The following WASHC5 variants were observed in gnomAD, a reference collection of about 807,000 sequenced individuals.
The protein encoded by WASHC5 is WASH complex subunit 5.
Under a neutral mutation model 150.4 loss-of-function variants are expected in WASHC5, and 101 were observed. The observed-to-expected ratio is 0.67, with a 90% CI of 0.57 to 0.79. WASHC5 has a LOEUF of 0.79. Among genes scored for constraint, WASHC5 ranks in the 30% least tolerant of loss-of-function variants. The pLI is 0.00. For synonymous variants in WASHC5, 467 were observed against 491.2 expected (o/e 0.95, Z 0.65); for missense variants, 1,195 against 1,396.3 (o/e 0.86, Z 2.30).
intron 25 of WASHC5, among the ~76,000 whole-genome samples, chr8:125,037,655 T>C (rs536219548): frequency 6.6e-6 from 1 of 150,826 alleles, no homozygotes; most frequent in South Asian, 2.1e-4. Context: ...GAAGGCAAAA[T>C]GAAGAGCAGT....
At chr8:125,075,164 A>T (rs1817015133) in intron 7 of WASHC5, 53 bp from the exon 8 acceptor site, 1 of 1,077,440 alleles carries the variant, frequency 9.3e-7, no homozygotes, top group Non-Finnish European at 1.4e-6. Context: ...TTCAAGGCAA[A>T]GGGTTGAATA....
chr8:125,049,267 T>C (rs1816166773), intron 18 of WASHC5, 82 bp from the exon 19 acceptor site: 4 of 1,477,312 alleles, frequency 2.7e-6, no homozygotes, highest in African/African-American at 1.4e-5. Flanking sequence ...AGACTTTAAA[T>C]AGTATAGCAG....
chr8:125,064,597 C>T (rs1186138248), intron 10 of WASHC5, among the ~76,000 whole-genome samples: 1 of 151,570 alleles, frequency 6.6e-6, no homozygotes, highest in Non-Finnish European at 1.5e-5. Flanking sequence ...ACGGGTGTAA[C>T]TCAGGGTTGG....
intron 1 of WASHC5, among the ~76,000 whole-genome samples, chr8:125,087,668 G>A (rs1817458994): frequency 6.6e-6 from 1 of 151,172 alleles, no homozygotes; most frequent in Non-Finnish European, 1.5e-5. Context: ...TGGAGGTTGA[G>A]GCTGCAGTGA....
At chr8:125,063,463 G>C in intron 11 of WASHC5, 59 bp downstream of exon 11, 1 of 1,580,500 alleles carries the variant, frequency 6.3e-7, no homozygotes, top group Non-Finnish European at 8.7e-7. Flanking sequence ...AGTTTCCAAG[G>C]TTTCAAATAA....
At chr8:125,027,031 G>GT (rs559118370) in intron 28 of WASHC5, among the ~76,000 whole-genome samples, 1 of 151,956 alleles carries the variant, frequency 6.6e-6, no homozygotes, top group African/African-American at 2.4e-5. Context: ...AATTTTTATA[G>GT]TTTTTTAATA....
At chr8:125,075,289 TGTTAA>T (rs1299252270) in intron 7 of WASHC5, among the ~76,000 whole-genome samples, 178 bp from the exon 8 acceptor site, 2 of 152,144 alleles carry the variant, frequency 1.3e-5, no homozygotes, top group Non-Finnish European at 2.9e-5. Flanking sequence ...TGTTCCTGAT[TGTTAA>T]TTCACGTTAA....
intron 9 of WASHC5, among the ~76,000 whole-genome samples, chr8:125,069,643 A>C (rs1816846317): frequency 6.6e-6 from 1 of 152,058 alleles, no homozygotes; most frequent in Non-Finnish European, 1.5e-5. Context: ...TTTCTAAGTT[A>C]CTCCATCAGG....
intron 8 of WASHC5, among the ~76,000 whole-genome samples, 156 bp from the exon 9 acceptor site, chr8:125,073,480 G>C (rs1396985497): frequency 6.6e-6 from 1 of 152,024 alleles, no homozygotes; most frequent in Non-Finnish European, 1.5e-5. Context: ...ATTTCTATAA[G>C]ATGAATGACA....
chr8:125,064,399 T>C (rs868500104), intron 10 of WASHC5, among the ~76,000 whole-genome samples: 1 of 141,710 alleles, frequency 7.1e-6, no homozygotes, highest in Non-Finnish European at 1.5e-5. Context: ...TTTTTTTTTT[T>C]GCAGAGATGG....
Position 125,038,843 on chromosome 8 carries a change from T to G in WASHC5, c.3071A>C (p.Asn1024Thr). The G allele has an allele frequency of 2.5e-6, 4 of 1,613,988 alleles. No homozygotes were observed. Among genetic ancestry groups the G allele is most frequent in the Non-Finnish European group, 3.4e-6 (4 of 1,179,904 alleles). ...TTAATTACTCACCTTATTCAGTGGGTTGTGAATGCCAGCTGCCTCCAGATA... is the reference window on the plus strand; with the variant it reads ...TTAATTACTCACCTTATTCAGTGGGGTGTGAATGCCAGCTGCCTCCAGATA... Reference protein sequence around the residue: ...TAYLEAAGIHNPLNKIYITTK... With the variant: ...TAYLEAAGIHTPLNKIYITTK... The change falls in exon 25 of 29, where the codon AAC (asparagine) becomes ACC (threonine). Residue 1024 changes from asparagine to threonine, a missense_variant. Asn to Thr is a moderately conservative substitution (Grantham distance 65). Around this residue, in one of 3 missense-constraint regions of WASHC5, gnomAD observed 997 missense variants for 1,168.1 expected, o/e 0.85. Coordinates refer to ENST00000318410, the MANE Select transcript of WASHC5 (RefSeq NM_014846.4).
intron 28 of WASHC5, among the ~76,000 whole-genome samples, chr8:125,025,833 GACACAC>G (rs34050035): frequency 4.1e-5 from 6 of 148,132 alleles, no homozygotes; most frequent in East Asian, 3.9e-4. Context: ...TATGCAGACA[GACACAC>G]ACACACACAC....
intron 17 of WASHC5, among the ~76,000 whole-genome samples, chr8:125,051,108 T>G (rs1364210845): frequency 6.6e-6 from 1 of 152,202 alleles, no homozygotes; most frequent in Admixed American, 6.5e-5. Flanking sequence ...TATATCCACA[T>G]GAGCAAACTC....
chr8:125,049,123 A>G lies in WASHC5; in HGVS notation c.2262T>C (p.Ser754=), dbSNP rs1482343617. ...TGACATAGTCCTGTATGTATTCAAA[A>G]GAACGATGGAATCCATCCATGGTCG... ...LGATMDGFHR[S]FEYIQDYVNI... Residue 754 remains serine (S), a synonymous_variant, in exon 19 of 29, where the codon TCT becomes TCC. Coordinates refer to ENST00000318410, the MANE Select transcript of WASHC5 (RefSeq NM_014846.4). 1.6e-5 allele frequency: 26 copies of G among 1,614,040 alleles called. No homozygotes were observed. The highest frequency in any genetic ancestry group is 3.3e-5 in the Admixed American group (2 of 59,994).
intron 9 of WASHC5, among the ~76,000 whole-genome samples, chr8:125,069,810 T>C (rs563835697): frequency 2.6e-5 from 4 of 152,354 alleles, no homozygotes; most frequent in Admixed American, 1.3e-4. Flanking sequence ...CATATTTACC[T>C]AACTAAACAA....
At chr8:125,086,631 G>A (rs1435682884) in intron 1 of WASHC5, among the ~76,000 whole-genome samples, 1 of 152,212 alleles carries the variant, frequency 6.6e-6, no homozygotes, top group Non-Finnish European at 1.5e-5. Flanking sequence ...ACCCAACTCA[G>A]CTCATAACAG....
intron 5 of WASHC5, among the ~76,000 whole-genome samples, chr8:125,079,854 G>A (rs1817197007): frequency 6.6e-6 from 1 of 152,182 alleles, no homozygotes; most frequent in South Asian, 2.1e-4. Flanking sequence ...GTACATGTGT[G>A]TTGTGTGTAT....
At chr8:125,047,802 G>A (rs1259213508) in intron 19 of WASHC5, among the ~76,000 whole-genome samples, 2 of 151,888 alleles carry the variant, frequency 1.3e-5, no homozygotes, top group Admixed American at 6.6e-5. Context: ...CACCTGCCTC[G>A]GCCTTTCAAA....
At chr8:125,079,995 C>CT (rs1817200687) in intron 5 of WASHC5, among the ~76,000 whole-genome samples, 1 of 152,026 alleles carries the variant, frequency 6.6e-6, no homozygotes, top group Non-Finnish European at 1.5e-5. Flanking sequence ...ATATATCTAA[C>CT]TTTTTTCTTG....
Sources: gnomAD v4.1 joint callset for allele counts (sites outside exome capture counted in the v4.1 genomes callset) on GRCh38, gnomAD v4.1.1 for gene constraint, gnomAD v4.1.1 regional missense constraint, MANE v1.5 for transcripts, NCBI Gene and HGNC (gene_info 2026-07-23, HGNC 2026-07-21) for gene names.